EML6: variants seen among roughly 807,000 people sequenced by gnomAD.
The protein encoded by EML6 is EMAP like 6.
Under a neutral mutation model 240.1 loss-of-function variants are expected in EML6, and 154 were observed. The ratio of observed to expected loss-of-function variants is 0.64; its 90% CI spans 0.56 to 0.73. The LOEUF is 0.73. Ranked by LOEUF, EML6 falls within the 30% of genes least tolerant of loss-of-function variation. The pLI is 0.00. For synonymous variants in EML6, 1,148 were observed against 899.0 expected, an observed-to-expected ratio of 1.28 and a Z score of -4.95; for missense variants, 2,964 against 2,474.6, an observed-to-expected ratio of 1.20 and a Z score of -4.20.
intron 2 of EML6, among the ~76,000 whole-genome samples, chr2:54,794,393 C>G (rs1351913016): frequency 6.6e-6 from 1 of 152,128 alleles, no homozygotes; most frequent in Non-Finnish European, 1.5e-5. Flanking sequence ...TAGCAAAATT[C>G]TTAATTTGAC....
At chr2:54,816,196 G>C (rs1015192664) in intron 3 of EML6, among the ~76,000 whole-genome samples, 11 of 152,114 alleles carry the variant, frequency 7.2e-5, no homozygotes, top group Non-Finnish European at 1.5e-4. Context: ...TAATCATGTG[G>C]GTTGCATTTT....
intron 17 of EML6, chr2:54,882,013 A>G (rs1344946209): frequency 6.6e-6 from 1 of 152,242 alleles, no homozygotes; most frequent in African/African-American, 2.4e-5. Flanking sequence ...GACGTGTGCC[A>G]GCTGTGCAAC....
At chr2:54,940,790 A>G (rs982420261) in intron 28 of EML6, among the ~76,000 whole-genome samples, 1 of 152,222 alleles carries the variant, frequency 6.6e-6, no homozygotes, top group African/African-American at 2.4e-5. Flanking sequence ...GCACTTGGCA[A>G]AATGACTTTT....
At chr2:54,767,902 G>A (rs1221722740) in intron 2 of EML6, among the ~76,000 whole-genome samples, 4 of 152,090 alleles carry the variant, frequency 2.6e-5, no homozygotes, top group Admixed American at 1.3e-4. Flanking sequence ...GGTTACAGGC[G>A]TGAGTCAACA....
Position 54,964,635 on chromosome 2 carries a change from C to T in EML6, c.5395C>T (p.Leu1799Phe), listed in dbSNP as rs1398648177. ...TGAACACACAGTTGACTTCTATGACCTCACTCAGGGCACAAATCTGAACCG... is the reference window on the plus strand; with the variant it reads ...TGAACACACAGTTGACTTCTATGACTTCACTCAGGGCACAAATCTGAACCG... The part of the protein sequence containing the change: ...SSEHTVDFYD[L>F]TQGTNLNRIG... The change falls in exon 38 of 42, where the codon CTC (leucine) becomes TTC (phenylalanine). Residue 1799 changes from leucine (L) to phenylalanine (F), a missense_variant. Leu to Phe is a conservative substitution (Grantham distance 22, BLOSUM62 0). Coordinates refer to ENST00000356458, the MANE Select transcript of EML6 (RefSeq NM_001039753.4). 2 of 1,552,284 alleles carry T rather than the reference C, an allele frequency of 1.3e-6. No homozygotes were observed. The highest frequency in any genetic ancestry group is 2.0e-5 in the Admixed American group (1 of 51,000).
intron 5 of EML6, among the ~76,000 whole-genome samples, chr2:54,820,720 A>G (rs1036494404): frequency 6.6e-5 from 10 of 152,214 alleles, no homozygotes; most frequent in Non-Finnish European, 1.5e-4. Context: ...TTAAATATCG[A>G]ACTGAAGACT....
At position 54,749,873 on chromosome 2, in the gene EML6, C is replaced by T. The variant is rs1684081041; in HGVS notation, c.197+24615C>T. Among the ~76,000 whole-genome samples the T allele has an allele frequency of 2.6e-5, 4 of 152,146 alleles. No homozygotes were observed. The South Asian group carries it at 8.3e-4, about 32-fold the overall frequency. On this transcript the variant is annotated intron_variant, in intron 2 of 41. Transcript: ENST00000356458. ...GATGGTAAGAATCAGGGATATTTTT[C>T]AAAGAAAAATAATGACATGAATTTA...
rs1365632105 is a variant in EML6 at position 54,753,050 on chromosome 2, G to A, written c.197+27792G>A. Among the ~76,000 whole-genome samples, 3 of 152,132 alleles carry A rather than the reference G, an allele frequency of 2.0e-5. No individual in the cohort carries two copies. In the East Asian group the frequency reaches 5.8e-4, roughly 29 times the overall value. ...GGTGCCCGGCTACATTCTTATACAT[G>A]TCTTTTGACACCTGGATCATAGGGC... On this transcript the variant is annotated intron_variant, in intron 2 of 41. Coordinates refer to ENST00000356458, the MANE Select transcript of EML6 (RefSeq NM_001039753.4).
rs116208796 is a variant in EML6 at position 54,968,801 on chromosome 2, C to A, written c.5852+33C>A. On this transcript the variant is annotated intron_variant, in intron 41 of 41. Coordinates refer to ENST00000356458, the MANE Select transcript of EML6 (RefSeq NM_001039753.4). ...CGTAGCTGACCCAGTTCTTACTCCACAGGCCTGGCCAGCTCTCCCTCCCCA... is the reference window on the plus strand; with the variant it reads ...CGTAGCTGACCCAGTTCTTACTCCAAAGGCCTGGCCAGCTCTCCCTCCCCA... 1.1e-4 allele frequency: 127 copies of A among 1,188,790 alleles called. 1 individual carries two copies. In the African/African-American group the frequency reaches 1.5e-3, roughly 14 times the overall value. 73.6% of individuals were successfully genotyped at this position (1,188,790 alleles called of 1,614,324 possible).
chr2:54,843,975 TG>T, intron 7 of EML6, 71 bp from the exon 8 acceptor site: 1 of 909,062 alleles, frequency 1.1e-6, no homozygotes, highest in Non-Finnish European at 1.7e-6. Context: ...TGTGTGTGTG[TG>T]TGTGTGTGTG....
At chr2:54,754,040 CAGG>C (rs913128818) in intron 2 of EML6, among the ~76,000 whole-genome samples, 82 of 150,468 alleles carry the variant, frequency 5.4e-4, no homozygotes, top group African/African-American at 1.7e-3. Flanking sequence ...GAGGCTGAGG[CAGG>C]AGAATTGCTT....
chr2:54,849,849 C>G (rs1038203121), intron 9 of EML6, 113 bp from the exon 10 acceptor site: 1 of 795,096 alleles, frequency 1.3e-6, no homozygotes, highest in African/African-American at 1.7e-5. Context: ...TCCTTTAATT[C>G]CTGCAGGTTT....
chr2:54,942,975 T>C (rs1444966325), intron 28 of EML6, among the ~76,000 whole-genome samples: 1 of 152,074 alleles, frequency 6.6e-6, no homozygotes, highest in Non-Finnish European at 1.5e-5. Context: ...CACCTGCCTC[T>C]CCACTCTTCT....
chr2:54,892,019 C>CTATTTTTATCGTTTT (rs1444527354), intron 18 of EML6, among the ~76,000 whole-genome samples: 1 of 152,124 alleles, frequency 6.6e-6, no homozygotes, highest in African/African-American at 2.4e-5. Context: ...ACAGTCAGTA[C>CTATTTTTATCGTTTT]TATTTTTATC....
In EML6 at chr2:54,916,845, C is replaced by A; in HGVS notation, c.3585C>A (p.Asp1195Glu). The change falls in exon 26 of 42, where the codon GAC becomes GAA. Residue 1195 changes from aspartate (D) to glutamate (E), a missense_variant. Coordinates refer to ENST00000356458, the MANE Select transcript of EML6 (RefSeq NM_001039753.4). ...GIWPAHSDITDVNAASLTKDC... is the reference protein window; with the variant it reads ...GIWPAHSDITEVNAASLTKDC... ...GGCCAGCACATAGCGATATAACTGA[C>A]GTAAATGCTGCCAGTCTTACCAAAG... is the stretch of plus-strand genomic sequence containing the variant. The A allele has an allele frequency of 6.4e-7, 1 of 1,551,028 alleles. No homozygotes were observed. Among genetic ancestry groups the A allele is most frequent in the Non-Finnish European group, 8.7e-7 (1 of 1,146,442 alleles).
At chr2:54,868,174 T>A (rs913593162) in intron 14 of EML6, 1 of 151,634 alleles carries the variant, frequency 6.6e-6, no homozygotes, top group African/African-American at 2.4e-5. Context: ...CTGAAATAAA[T>A]TTTTTTTTCT....
At chr2:54,906,713 C>G (rs1673345541) in intron 24 of EML6, among the ~76,000 whole-genome samples, 1 of 152,144 alleles carries the variant, frequency 6.6e-6, no homozygotes, top group African/African-American at 2.4e-5. Context: ...GCAAGAATAC[C>G]TGTGAATCTT....
At chr2:54,791,139 G>T (rs1442969870) in intron 2 of EML6, among the ~76,000 whole-genome samples, 1 of 152,098 alleles carries the variant, frequency 6.6e-6, no homozygotes, top group Non-Finnish European at 1.5e-5. Context: ...GGTGTGAAGA[G>T]AAATTCAGAG....
chr2:54,918,450 G>A (rs1230807069), intron 26 of EML6, among the ~76,000 whole-genome samples: 1 of 152,158 alleles, frequency 6.6e-6, no homozygotes, highest in Admixed American at 6.5e-5. Flanking sequence ...CTAGACTCAA[G>A]CAATCAATCC....
Sources: gnomAD v4.1 joint callset for allele counts (sites outside exome capture counted in the v4.1 genomes callset) on GRCh38, gnomAD v4.1.1 for gene constraint, MANE v1.5 for transcripts, NCBI Gene and HGNC (gene_info 2026-07-23, HGNC 2026-07-21) for gene names.